ZNF136: variants seen among roughly 807,000 people sequenced by gnomAD.
ZNF136 encodes the protein zinc finger protein 136 (clone pHZ-20).
ZNF136 carries 8 observed loss-of-function variants against 11.4 expected under a neutral mutation model. The ratio of observed to expected loss-of-function variants is 0.70; its 90% CI spans 0.41 to 1.27. The LOEUF (loss-of-function observed/expected upper bound fraction) is 1.27, where lower values mean the gene tolerates loss of function less well. Ranked by LOEUF, ZNF136 falls within the 50% of genes most tolerant of loss-of-function variation. ZNF136 has a pLI of 0.01. For missense variants in ZNF136, 590 were observed against 656.5 expected, an observed-to-expected ratio of 0.90 and a Z score of 1.11; for synonymous variants, 190 against 207.1, an observed-to-expected ratio of 0.92 and a Z score of 0.71.
At chr19:12,176,679 C>T (rs1237658152) in intron 1 of ZNF136, among the ~76,000 whole-genome samples, 1 of 152,062 alleles carries the variant, frequency 6.6e-6, no homozygotes, top group Non-Finnish European at 1.5e-5. Flanking sequence ...GTGGGTGCTG[C>T]GTTAAACAGA....
At chr19:12,176,578 C>T (rs1450712191) in intron 1 of ZNF136, among the ~76,000 whole-genome samples, 1 of 152,138 alleles carries the variant, frequency 6.6e-6, no homozygotes, top group African/African-American at 2.4e-5. Context: ...CCATCTGCTT[C>T]AGCCTCCCAA....
In ZNF136 at chr19:12,188,051, C is replaced by A. The variant is rs1235473841; in HGVS notation, c.*50C>A. The A allele has an allele frequency of 6.3e-6, 9 of 1,419,890 alleles. No individual in the cohort carries two copies. The highest frequency in any genetic ancestry group is 1.8e-5 in the South Asian group (1 of 55,814). 88.0% of individuals were successfully genotyped at this position (1,419,890 alleles called of 1,614,324 possible). On this transcript the variant is annotated 3_prime_UTR_variant, in exon 4 of 4. Transcript: ENST00000343979. ...TTAAAATACTCACTGAAGAGAAGCC[C>A]TATGAATGTAAGTAACGTGGGAAAG... is the stretch of plus-strand genomic sequence containing the variant.
Position 12,184,723 on chromosome 19 carries a change from C to T in ZNF136, c.4-1062C>T, listed in dbSNP as rs1449518562. The T allele has an allele frequency of 3.9e-5, 6 of 152,256 alleles. 1 individual carries two copies. Among genetic ancestry groups the T allele is most frequent in the Admixed American group, 3.9e-4 (6 of 15,282 alleles). The allele number at this position is 152,256 out of a possible 1,614,324, so 9.4% of individuals were successfully genotyped here. A position where few individuals can be genotyped will look rare whatever the true frequency, so the allele number is the denominator to read the frequency against. ...CAATTGTGAGAACACATGCGAAATG[C>T]TTCCTGGAGTGTTTCTGGGGGCTCA... On this transcript the variant is annotated intron_variant, in intron 1 of 3. Transcript: ENST00000343979.
At chr19:12,171,890 T>G (rs1914662573) in intron 1 of ZNF136, among the ~76,000 whole-genome samples, 1 of 151,948 alleles carries the variant, frequency 6.6e-6, no homozygotes. Flanking sequence ...AAGAACACTC[T>G]CCCTACTGTC....
chr19:12,172,855 T>A (rs1914695195), intron 1 of ZNF136, among the ~76,000 whole-genome samples: 1 of 151,924 alleles, frequency 6.6e-6, no homozygotes, highest in Non-Finnish European at 1.5e-5. Context: ...CTACTAAAAA[T>A]ACAAAAATGA....
chr19:12,171,127 G>A (rs753290651), intron 1 of ZNF136, among the ~76,000 whole-genome samples: 15 of 151,206 alleles, frequency 9.9e-5, no homozygotes, highest in Non-Finnish European at 1.9e-4. Context: ...GAGCCACTGC[G>A]CCAGGCCCCA....
In ZNF136 at chr19:12,189,721, GTA is replaced by G. The variant is rs1295127107; in HGVS notation, c.*1722_*1723del. On this transcript the variant is annotated 3_prime_UTR_variant, in exon 4 of 4. Coordinates refer to ENST00000343979, the MANE Select transcript of ZNF136 (RefSeq NM_003437.5). The stretch of plus-strand genomic sequence containing the variant: ...ATTAAAGAGTTGTTGTTAATTCTAA[GTA>G]TGTAAAGTTTATCACAGACTGTAGT... 6.6e-6 allele frequency: 1 copy of G among 151,944 alleles called. No individual in the cohort carries two copies. Among genetic ancestry groups the G allele is most frequent in the Non-Finnish European group, 1.5e-5 (1 of 68,002 alleles). The allele number at this position is 151,944 out of a possible 1,614,324, so 9.4% of individuals were successfully genotyped here.
chr19:12,178,207 T>C (rs985109598), intron 1 of ZNF136, among the ~76,000 whole-genome samples: 5 of 152,238 alleles, frequency 3.3e-5, no homozygotes, highest in Admixed American at 6.5e-5. Flanking sequence ...TTATCAGATA[T>C]ATGGTTTGCA....
At chr19:12,171,978 CTT>C (rs57769136) in intron 1 of ZNF136, among the ~76,000 whole-genome samples, 28 of 129,490 alleles carry the variant, frequency 2.2e-4, no homozygotes, top group Admixed American at 4.6e-4. Flanking sequence ...CTCTCTCTCT[CTT>C]TTTTTTTTTT....
At chr19:12,177,026 T>G (rs1914813521) in intron 1 of ZNF136, among the ~76,000 whole-genome samples, 1 of 152,242 alleles carries the variant, frequency 6.6e-6, no homozygotes, top group Non-Finnish European at 1.5e-5. Context: ...CTGATTGCCC[T>G]GGTAGCATCT....
chr19:12,183,681 C>G (rs1054064937), intron 1 of ZNF136, among the ~76,000 whole-genome samples: 4 of 152,036 alleles, frequency 2.6e-5, no homozygotes, highest in African/African-American at 7.2e-5. Flanking sequence ...TTGCTGCATT[C>G]TCATACTCCT....
rs753026447 is a variant in ZNF136, at chr19:12,185,758, C to T, written c.4-27C>T. 3 of 1,607,808 alleles carry T rather than the reference C, an allele frequency of 1.9e-6. No homozygotes were observed. The South Asian group carries it at 3.3e-5, about 18-fold the overall frequency. ...CAGCCCTGTCTGTCTCACCCATTCT[C>T]CTCTCCACATATGTGGGATGTTTCA... On this transcript the variant is annotated intron_variant, in intron 1 of 3. Transcript: ENST00000343979.
intron 1 of ZNF136, among the ~76,000 whole-genome samples, chr19:12,173,998 C>T (rs868245002): frequency 1.3e-5 from 2 of 152,048 alleles, no homozygotes; most frequent in African/African-American, 4.8e-5. Flanking sequence ...CTCTGCCTCT[C>T]GGGTTCAGGT....
chr19:12,163,831 C>G (rs1977147317), intron 1 of ZNF136: 2 of 152,280 alleles, frequency 1.3e-5, no homozygotes, highest in South Asian at 4.1e-4. Context: ...GTTTTCTGTT[C>G]ATAGCCTTGA....
intron 1 of ZNF136, among the ~76,000 whole-genome samples, chr19:12,170,750 A>G (rs1914634250): frequency 6.6e-6 from 1 of 150,922 alleles, no homozygotes; most frequent in South Asian, 2.1e-4. Flanking sequence ...GCTCACTGCA[A>G]CCTCTGCCTC....
chr19:12,170,414 G>A (rs1241691953), intron 1 of ZNF136, among the ~76,000 whole-genome samples: 2 of 151,296 alleles, frequency 1.3e-5, no homozygotes, highest in Non-Finnish European at 2.9e-5. Flanking sequence ...TTTGAGGCAG[G>A]TCTTCTTCTG....
chr19:12,185,206 A>G (rs1421107171), intron 1 of ZNF136: 2 of 152,184 alleles, frequency 1.3e-5, no homozygotes, highest in African/African-American at 4.8e-5. Context: ...TTGCCATGGC[A>G]TTTGTAAGCT....
At chr19:12,170,052 C>T (rs990743155) in intron 1 of ZNF136, among the ~76,000 whole-genome samples, 2 of 149,446 alleles carry the variant, frequency 1.3e-5, no homozygotes. Context: ...CCTTGGCCTC[C>T]CAAAGTGCTG....
intron 1 of ZNF136, among the ~76,000 whole-genome samples, chr19:12,171,434 T>G (rs1914651130): frequency 6.6e-6 from 1 of 152,256 alleles, no homozygotes. Context: ...TATTTTTCTC[T>G]GTGTGATTAC....
Sources: allele counts gnomAD v4.1 joint callset (sites outside exome capture counted in the v4.1 genomes callset), GRCh38; gene constraint gnomAD v4.1.1; transcripts MANE v1.5; gene names NCBI Gene and HGNC (gene_info 2026-07-23, HGNC 2026-07-21).